The following KCNQ3 variants were observed in gnomAD, a reference collection of about 807,000 sequenced individuals.
The protein encoded by KCNQ3 is potassium voltage-gated channel subfamily KQT member 3.
A neutral mutation model predicts 92.5 loss-of-function variants in KCNQ3; 30 were observed. The ratio of observed to expected loss-of-function variants is 0.32; its 90% CI spans 0.24 to 0.44. The LOEUF (loss-of-function observed/expected upper bound fraction) is 0.44. Among genes scored for constraint, KCNQ3 ranks in the 20% least tolerant of loss-of-function variants. The pLI is 1.00. For synonymous variants in KCNQ3, 450 were observed against 468.8 expected (o/e 0.96, Z 0.52); for missense variants, 913 against 1,140.3 (o/e 0.80, Z 2.87).
At chr8:132,319,587 G>A (rs1271232344) in intron 1 of KCNQ3, among the ~76,000 whole-genome samples, 2 of 152,286 alleles carry the variant, frequency 1.3e-5, no homozygotes, top group Admixed American at 6.5e-5. Flanking sequence ...CCGAGGTTGG[G>A]CTGACCCTCG....
intron 9 of KCNQ3, among the ~76,000 whole-genome samples, chr8:132,147,947 C>T (rs1265844223): frequency 2.6e-5 from 4 of 152,108 alleles, no homozygotes; most frequent in Non-Finnish European, 5.9e-5. Context: ...CTTTTAGAGG[C>T]TTCCTAACAC....
chr8:132,290,974 A>C (rs1208229676), intron 1 of KCNQ3, among the ~76,000 whole-genome samples: 1 of 152,186 alleles, frequency 6.6e-6, no homozygotes, highest in Non-Finnish European at 1.5e-5. Flanking sequence ...ATACAGTGCC[A>C]TGGAAGCTAA....
intron 1 of KCNQ3, among the ~76,000 whole-genome samples, chr8:132,298,016 T>G (rs567845413): frequency 1.2e-4 from 19 of 152,334 alleles, no homozygotes; most frequent in African/African-American, 4.6e-4. Flanking sequence ...ATCACAAATA[T>G]TGATGCTTTT....
At chr8:132,417,791 C>T (rs1645909370) in intron 1 of KCNQ3, among the ~76,000 whole-genome samples, 1 of 152,134 alleles carries the variant, frequency 6.6e-6, no homozygotes, top group Admixed American at 6.5e-5. Context: ...GGGAGTGCTC[C>T]CGGAATATAT....
chr8:132,135,491 C>T (rs143005803), intron 12 of KCNQ3, among the ~76,000 whole-genome samples: 4 of 152,252 alleles, frequency 2.6e-5, no homozygotes, highest in Non-Finnish European at 5.9e-5. Flanking sequence ...CACTTTCTTT[C>T]TCTCTTGCCC....
intron 11 of KCNQ3, among the ~76,000 whole-genome samples, chr8:132,138,558 T>G (rs1586761219): frequency 6.6e-6 from 1 of 152,206 alleles, no homozygotes; most frequent in East Asian, 1.9e-4. Context: ...AAACCTGGTT[T>G]CTGTTCCCTG....
chr8:132,237,647 G>A (rs1399825609), intron 1 of KCNQ3, among the ~76,000 whole-genome samples: 2 of 152,296 alleles, frequency 1.3e-5, no homozygotes, highest in African/African-American at 4.8e-5. Context: ...CCAGGATATT[G>A]CAGCAGTGTA....
intron 1 of KCNQ3, among the ~76,000 whole-genome samples, chr8:132,358,979 A>T (rs1819090180): frequency 6.6e-6 from 1 of 152,216 alleles, no homozygotes; most frequent in Admixed American, 6.5e-5. Flanking sequence ...ATCCCTCTCC[A>T]TTGCTGGAAT....
At chr8:132,304,335 T>A (rs1474465689) in intron 1 of KCNQ3, among the ~76,000 whole-genome samples, 1 of 152,226 alleles carries the variant, frequency 6.6e-6, no homozygotes, top group African/African-American at 2.4e-5. Context: ...AAATGTGGTA[T>A]AGCCTTAAAA....
intron 9 of KCNQ3, among the ~76,000 whole-genome samples, chr8:132,156,029 G>A (rs1825787732): frequency 1.3e-5 from 2 of 152,084 alleles, no homozygotes; most frequent in Admixed American, 6.5e-5. Flanking sequence ...GGATCTATGA[G>A]GATGATTCCA....
chr8:132,359,493 G>C (rs1819107935), intron 1 of KCNQ3, among the ~76,000 whole-genome samples: 1 of 152,026 alleles, frequency 6.6e-6, no homozygotes, highest in African/African-American at 2.4e-5. Flanking sequence ...CAAGCCATCA[G>C]GGACACCTTC....
At chr8:132,325,424 C>A (rs1164538855) in intron 1 of KCNQ3, among the ~76,000 whole-genome samples, 2 of 152,090 alleles carry the variant, frequency 1.3e-5, no homozygotes, top group Non-Finnish European at 2.9e-5. Flanking sequence ...CTTTGTCTCT[C>A]TAAAATTAAT....
At chr8:132,478,629 G>GACAC (rs34798998) in intron 1 of KCNQ3, among the ~76,000 whole-genome samples, 69 of 150,876 alleles carry the variant, frequency 4.6e-4, no homozygotes, top group African/African-American at 1.4e-3. Flanking sequence ...CCTGCAAATA[G>GACAC]ACACACACAC....
intron 9 of KCNQ3, among the ~76,000 whole-genome samples, chr8:132,155,776 G>A (rs906163434): frequency 9.2e-5 from 14 of 152,268 alleles, no homozygotes; most frequent in African/African-American, 3.4e-4. Context: ...AGAGATAAGG[G>A]ACCTTGGGCT....
intron 1 of KCNQ3, among the ~76,000 whole-genome samples, chr8:132,359,536 G>A (rs890614884): frequency 6.6e-6 from 1 of 152,112 alleles, no homozygotes; most frequent in Non-Finnish European, 1.5e-5. Flanking sequence ...CTTGGACACG[G>A]CTAGATTTCT....
In KCNQ3 at chr8:132,288,306, T is replaced by C. The variant is rs549718673; in HGVS notation, c.387-102125A>G. On this transcript the variant is annotated intron_variant, in intron 1 of 14. Coordinates refer to ENST00000388996, the MANE Select transcript of KCNQ3 (RefSeq NM_004519.4). Reference sequence around the variant, plus strand: ...CTTAATCACCTCATTCTCATCAGCATTCCCATGTTACTCTTTATAAATTGC... The same window carrying C: ...CTTAATCACCTCATTCTCATCAGCACTCCCATGTTACTCTTTATAAATTGC... 2.6e-5 allele frequency among the ~76,000 whole-genome samples: 4 copies of C among 152,358 alleles called. No individual in the cohort carries two copies. In the South Asian group the frequency reaches 6.2e-4, roughly 24 times the overall value.
chr8:132,303,569 T>G (rs1373952266), intron 1 of KCNQ3, among the ~76,000 whole-genome samples: 12 of 63,456 alleles, frequency 1.9e-4, no homozygotes, highest in Non-Finnish European at 2.7e-4. Flanking sequence ...AAATGTGATA[T>G]ATATATATAT....
At chr8:132,439,828 C>A (rs1821491060) in intron 1 of KCNQ3, among the ~76,000 whole-genome samples, 2 of 152,152 alleles carry the variant, frequency 1.3e-5, no homozygotes, top group Non-Finnish European at 2.9e-5. Context: ...GACTTCTGAC[C>A]TTCAGACATG....
At position 132,283,092 on chromosome 8, in the gene KCNQ3, C is replaced by CGTGT. The variant is rs1195934839; in HGVS notation, c.387-96915_387-96912dup. On this transcript the variant is annotated intron_variant, in intron 1 of 14. Coordinates refer to ENST00000388996, the MANE Select transcript of KCNQ3 (RefSeq NM_004519.4). ...GATGAGGATCTCTCTCTCTCTCTCT[C>CGTGT]GTGTGTGTGTGTGTGTGTGTGTGTG... Among the ~76,000 whole-genome samples, 37 of 130,698 alleles carry CGTGT rather than the reference C, an allele frequency of 2.8e-4. No individual in the cohort carries two copies. The South Asian group carries it at 3.5e-3, about 12-fold the overall frequency. 85.7% of individuals were successfully genotyped at this position (130,698 alleles called of 152,430 possible).
Sources: allele counts gnomAD v4.1 joint callset (sites outside exome capture counted in the v4.1 genomes callset), GRCh38; gene constraint gnomAD v4.1.1; transcripts MANE v1.5; gene names NCBI Gene and HGNC (gene_info 2026-07-23, HGNC 2026-07-21).